AK5: variants seen among roughly 807,000 people sequenced by gnomAD.
AK5 encodes the protein adenylate kinase 5.
Under a neutral mutation model 69.5 loss-of-function variants are expected in AK5, and 27 were observed. The ratio of observed to expected loss-of-function variants is 0.39; its 90% confidence interval spans 0.29 to 0.54. The LOEUF is 0.54. AK5 is among the 20% of genes least tolerant of loss of function. The probability of loss-of-function intolerance (pLI) is 0.71; values close to 1 mark genes in which losing one functional copy is unlikely to be tolerated. For synonymous variants in AK5, 260 were observed against 244.4 expected (o/e 1.06, Z -0.60); for missense variants, 531 against 700.4 (o/e 0.76, Z 2.73).
chr1:77,309,287 C>CT (rs1179359626), intron 5 of AK5, among the ~76,000 whole-genome samples: 1 of 151,906 alleles, frequency 6.6e-6, no homozygotes, highest in Non-Finnish European at 1.5e-5. Flanking sequence ...GGAGGGAAGT[C>CT]TATAGCAAAT....
chr1:77,370,372 C>A (rs1197114936), intron 6 of AK5, among the ~76,000 whole-genome samples: 1 of 152,142 alleles, frequency 6.6e-6, no homozygotes, highest in Non-Finnish European at 1.5e-5. Context: ...CTCACAAACT[C>A]ACACGCAACC....
At chr1:77,331,560 G>T (rs75064510) in intron 5 of AK5, among the ~76,000 whole-genome samples, 6,633 of 152,102 alleles carry the variant, frequency 0.044, 208 homozygotes, top group South Asian at 0.094. Flanking sequence ...TCACCCACAG[G>T]TTAAATCCAA....
At chr1:77,312,086 G>T (rs1011499674) in intron 5 of AK5, among the ~76,000 whole-genome samples, 1 of 152,126 alleles carries the variant, frequency 6.6e-6, no homozygotes, top group East Asian at 1.9e-4. Context: ...ATAAGTCCAT[G>T]GTAGCAGAAG....
At chr1:77,532,794 C>A (rs149176781) in intron 12 of AK5, among the ~76,000 whole-genome samples, 141 of 152,244 alleles carry the variant, frequency 9.3e-4, no homozygotes, top group Non-Finnish European at 1.7e-3. Flanking sequence ...CCCAGGGTGC[C>A]AGCAGGGTGA....
intron 13 of AK5, among the ~76,000 whole-genome samples, chr1:77,537,412 A>G (rs1043252540): frequency 6.6e-6 from 1 of 152,206 alleles, no homozygotes; most frequent in Non-Finnish European, 1.5e-5. Context: ...GAGTGATGGG[A>G]ACTACCAAAG....
intron 13 of AK5, among the ~76,000 whole-genome samples, chr1:77,548,454 A>C (rs1364565434): frequency 2.6e-5 from 4 of 152,188 alleles, no homozygotes; most frequent in Non-Finnish European, 4.4e-5. Context: ...ATCCTCTGGC[A>C]GTGAGGGATC....
intron 6 of AK5, among the ~76,000 whole-genome samples, chr1:77,370,634 C>T (rs1647102850): frequency 6.6e-6 from 1 of 152,206 alleles, no homozygotes; most frequent in Non-Finnish European, 1.5e-5. Context: ...ACATGACATT[C>T]TTCCTCTTGG....
chr1:77,343,154 G>T (rs1661742959), intron 6 of AK5, among the ~76,000 whole-genome samples: 1 of 152,122 alleles, frequency 6.6e-6, no homozygotes, highest in Non-Finnish European at 1.5e-5. Flanking sequence ...AATGTGCAGG[G>T]TGTCCTCACA....
chr1:77,539,673 A>G (rs1659167517), intron 13 of AK5, among the ~76,000 whole-genome samples: 1 of 152,160 alleles, frequency 6.6e-6, no homozygotes, highest in African/African-American at 2.4e-5. Flanking sequence ...TTGCCGCTGG[A>G]GAGGGAGAAA....
At chr1:77,453,587 G>A (rs981689842) in intron 8 of AK5, among the ~76,000 whole-genome samples, 4 of 152,124 alleles carry the variant, frequency 2.6e-5, no homozygotes, top group African/African-American at 4.8e-5. Flanking sequence ...TCCTGATACT[G>A]TTTTTTTGCT....
rs112935115 is a variant in AK5, at chr1:77,559,058, C to CCAGT, written c.*391_*394dup. Reference sequence around the variant, plus strand: ...TCCTCTCATTAAGCATCCCTAACCCCCAGTCACACCTTCCTCTTACATACT... The same window carrying CCAGT: ...TCCTCTCATTAAGCATCCCTAACCCCCAGTCAGTCACACCTTCCTCTTACATACT... On this transcript the variant is annotated 3_prime_UTR_variant, in exon 14 of 14. Coordinates refer to ENST00000354567, the MANE Select transcript of AK5 (RefSeq NM_174858.3). 829 of 156,796 alleles carry CCAGT rather than the reference C, an allele frequency of 5.3e-3. 7 individuals carry two copies. The highest frequency in any genetic ancestry group is 0.019 in the African/African-American group (792 of 41,780). 9.7% of individuals were successfully genotyped at this position (156,796 alleles called of 1,614,324 possible).
intron 8 of AK5, among the ~76,000 whole-genome samples, chr1:77,477,643 CCTTTTTT>C (rs1655028073): frequency 6.6e-6 from 1 of 152,020 alleles, no homozygotes; most frequent in African/African-American, 2.4e-5. Context: ...ACTTTTAAAT[CCTTTTTT>C]CTTTTTTCTT....
chr1:77,410,647 A>G (rs1372869554), intron 6 of AK5, among the ~76,000 whole-genome samples: 1 of 152,200 alleles, frequency 6.6e-6, no homozygotes, highest in Non-Finnish European at 1.5e-5. Flanking sequence ...TTAGAACTAT[A>G]TATTTTCATG....
intron 8 of AK5, among the ~76,000 whole-genome samples, chr1:77,444,086 G>A (rs373417800): frequency 4.0e-5 from 6 of 148,970 alleles, no homozygotes; most frequent in Middle Eastern, 3.5e-3. Flanking sequence ...TTGACCTATA[G>A]CTACCCATTT....
rs1387188052 is a variant in AK5, at chr1:77,282,379, G to A, written c.60+6G>A. ...AAATCCCTCAGCTTTTTGAGGTAGG[G>A]CTAGAGCTGGCCGACGGGCGGTAGC... On this transcript the variant is annotated splice_donor_region_variant and intron_variant, in intron 1 of 13. Transcript: ENST00000354567. The A allele has an allele frequency of 6.5e-7, 1 of 1,544,736 alleles. No individual in the cohort carries two copies.
In AK5 at chr1:77,483,312, A is replaced by G. The variant is rs758474191; in HGVS notation, c.1060-5A>G. ...TATTATCTAATATTGTGATTTTTTT[A>G]ACAGGGTGATGACCAGTTAAATGTA... is the stretch of plus-strand genomic sequence containing the variant. On this transcript the variant is annotated splice_polypyrimidine_tract_variant and splice_region_variant and intron_variant, in intron 8 of 13. Transcript: ENST00000354567. The G allele has an allele frequency of 2.4e-5, 39 of 1,609,138 alleles. 2 individuals carry two copies. The South Asian group carries it at 3.7e-4, about 15-fold the overall frequency.
rs74450043 is a variant in AK5 at position 77,503,072 on chromosome 1, A to T, written c.1148-15492A>T. Among the ~76,000 whole-genome samples, 339 of 152,332 alleles carry T rather than the reference A, an allele frequency of 2.2e-3. 1 individual carries two copies. The highest frequency in any genetic ancestry group is 7.8e-3 in the African/African-American group (326 of 41,574). On this transcript the variant is annotated intron_variant, in intron 10 of 13. Coordinates refer to ENST00000354567, the MANE Select transcript of AK5 (RefSeq NM_174858.3). ...ACTGCGTCAAAACCTGCTCTGTCAG[A>T]AATTCCAATATTTAGGCATTTCTGT...
intron 5 of AK5, among the ~76,000 whole-genome samples, chr1:77,333,137 G>T (rs772845731): frequency 1.3e-5 from 2 of 152,062 alleles, no homozygotes; most frequent in Non-Finnish European, 2.9e-5. Context: ...CTGTTGTTTA[G>T]TGTCTTCATG....
At chr1:77,398,566 T>G (rs1648981817) in intron 6 of AK5, among the ~76,000 whole-genome samples, 1 of 152,204 alleles carries the variant, frequency 6.6e-6, no homozygotes, top group African/African-American at 2.4e-5. Context: ...TAATTTAATT[T>G]TCTGGTTAAT....
Sources: allele counts gnomAD v4.1 joint callset (sites outside exome capture counted in the v4.1 genomes callset), GRCh38; gene constraint gnomAD v4.1.1; transcripts MANE v1.5; gene names NCBI Gene and HGNC (gene_info 2026-07-23, HGNC 2026-07-21).